Variants in NGLY1 observed in about 807,000 individuals in gnomAD.
The protein encoded by NGLY1 is peptide-N(4)-(N-acetyl-beta-glucosaminyl)asparagine amidase.
In NGLY1, 68 loss-of-function variants were observed where a neutral mutation model predicts 84.6. That is an observed-to-expected ratio of 0.80 (90% CI 0.66 to 0.98). The LOEUF is 0.98. NGLY1 is among the 50% of genes least tolerant of loss of function. NGLY1 has a pLI of 0.00. For synonymous variants in NGLY1, 280 were observed against 275.2 expected (o/e 1.02, Z -0.17); for missense variants, 779 against 770.2 (o/e 1.01, Z -0.14).
intron 10 of NGLY1, among the ~76,000 whole-genome samples, chr3:25,721,844 T>C (rs1285178284): frequency 3.3e-5 from 5 of 151,668 alleles, no homozygotes; most frequent in African/African-American, 9.7e-5. Flanking sequence ...TTTTTTATAC[T>C]ATACTCCTTT....
Position 25,751,189 on chromosome 3 carries a change from A to T in NGLY1, c.567T>A (p.Ala189=). 1.2e-6 allele frequency: 2 copies of T among 1,613,694 alleles called. No homozygotes were observed. The highest frequency in any genetic ancestry group is 2.2e-5 in the South Asian group (2 of 91,030). Residue 189 remains alanine (A), a synonymous_variant, in exon 4 of 12, where the codon GCT becomes GCA. Coordinates refer to ENST00000280700, the MANE Select transcript of NGLY1 (RefSeq NM_018297.4). ...IQHVLVYENP[A]LQEKALACIP... ...TACAAGCCAACGCTTTCTCCTGAAG[A>T]GCAGGATTTTCATAGACCAGCACAT...
chr3:25,748,353 G>C (rs1301477677), intron 4 of NGLY1, among the ~76,000 whole-genome samples: 1 of 152,132 alleles, frequency 6.6e-6, no homozygotes, highest in Non-Finnish European at 1.5e-5. Flanking sequence ...GGAGTTCTTA[G>C]GGAAGCCTAA....
intron 4 of NGLY1, among the ~76,000 whole-genome samples, chr3:25,748,693 A>T (rs1706567268): frequency 6.6e-6 from 1 of 152,168 alleles, no homozygotes; most frequent in South Asian, 2.1e-4. Flanking sequence ...ACCTACTCTT[A>T]ATCAATAAAT....
intron 2 of NGLY1, among the ~76,000 whole-genome samples, chr3:25,769,175 A>G (rs553099010): frequency 6.6e-6 from 1 of 152,040 alleles, no homozygotes; most frequent in Non-Finnish European, 1.5e-5. Context: ...TCTGGCCAAC[A>G]TGGTGAAACC....
intron 4 of NGLY1, among the ~76,000 whole-genome samples, chr3:25,746,127 C>T (rs533122844): frequency 1.3e-5 from 2 of 152,314 alleles, no homozygotes; most frequent in East Asian, 3.9e-4. Flanking sequence ...TGATCTTCCA[C>T]TGCTTTATAT....
upstream of NGLY1, among the ~76,000 whole-genome samples, chr3:25,786,725 A>G (rs1455547756): frequency 6.6e-5 from 10 of 152,242 alleles, no homozygotes; most frequent in South Asian, 2.1e-3. Flanking sequence ...AAGGACTTAA[A>G]TTTCAGATGA....
chr3:25,777,358 G>A (rs892307108), intron 2 of NGLY1, among the ~76,000 whole-genome samples: 7 of 126,246 alleles, frequency 5.5e-5, no homozygotes, highest in East Asian at 2.6e-4. Context: ...TTGCATCACC[G>A]CACTCCAGCC....
Position 25,758,532 on chromosome 3 carries a change from C to G in NGLY1, c.492+5534G>C, listed in dbSNP as rs553649295. On this transcript the variant is annotated intron_variant, in intron 3 of 11. Coordinates refer to ENST00000280700, the MANE Select transcript of NGLY1 (RefSeq NM_018297.4). The stretch of plus-strand genomic sequence containing the variant: ...GGTCAGAGCTGCAGTGAGCTGTGAT[C>G]ATGCCACTGCGTTCCAGCCTGAGCG... Among the ~76,000 whole-genome samples the G allele has an allele frequency of 2.2e-4, 34 of 152,244 alleles. No individual in the cohort carries two copies. The East Asian group carries it at 6.4e-3, about 29-fold the overall frequency.
At chr3:25,768,556 T>A (rs1361928917) in intron 2 of NGLY1, among the ~76,000 whole-genome samples, 3 of 140,048 alleles carry the variant, frequency 2.1e-5, no homozygotes, top group African/African-American at 7.8e-5. Flanking sequence ...ATTTCATAAG[T>A]AAGACTTTTT....
At chr3:25,747,000 T>C (rs1265902388) in intron 4 of NGLY1, among the ~76,000 whole-genome samples, 1 of 152,194 alleles carries the variant, frequency 6.6e-6, no homozygotes, top group Admixed American at 6.5e-5. Flanking sequence ...TTAGCCCGGC[T>C]AATTTTTGCA....
chr3:25,737,285 T>A, intron 6 of NGLY1, 49 bp downstream of exon 6: 1 of 1,493,626 alleles, frequency 6.7e-7, no homozygotes, highest in Non-Finnish European at 9.0e-7. Context: ...AACCCAAACC[T>A]GCAAGCCTGC....
chr3:25,755,693 A>C, intron 3 of NGLY1: 1 of 1,376,800 alleles, frequency 7.3e-7, no homozygotes, highest in South Asian at 1.3e-5. Context: ...ATTATAGTCT[A>C]GTCTAGATGC....
intron 10 of NGLY1, among the ~76,000 whole-genome samples, chr3:25,720,761 C>T (rs1205969113): frequency 6.6e-6 from 1 of 152,170 alleles, no homozygotes. Context: ...CTATTTAAGG[C>T]ATCTAAGCCT....
chr3:25,766,009 T>C (rs759014329), intron 2 of NGLY1, among the ~76,000 whole-genome samples: 9 of 151,652 alleles, frequency 5.9e-5, no homozygotes, highest in Non-Finnish European at 1.2e-4. Context: ...ATGCTGGGCG[T>C]TTTAAATACA....
At chr3:25,784,159 G>T (rs1328267405), upstream of NGLY1, 2 of 152,176 alleles carry the variant, frequency 1.3e-5, no homozygotes, top group Non-Finnish European at 2.9e-5. Context: ...ACTCTGCTGG[G>T]TTTGTTATAT....
At position 25,720,961 on chromosome 3, in the gene NGLY1, G is replaced by A. The variant is rs556571149; in HGVS notation, c.1612-770C>T. ...AATTCCCACAAAATTCTATGTATTT[G>A]TTTGAAATCTTGGAAAGAAACCCCT... is the stretch of plus-strand genomic sequence containing the variant. On this transcript the variant is annotated intron_variant, in intron 10 of 11. Coordinates refer to ENST00000280700, the MANE Select transcript of NGLY1 (RefSeq NM_018297.4). Among the ~76,000 whole-genome samples the A allele has an allele frequency of 4.2e-3, 286 of 67,380 alleles. 1 individual carries two copies. The highest frequency in any genetic ancestry group is 0.01 in the Non-Finnish European group (202 of 20,096). The allele number at this position is 67,380 out of a possible 152,430, so 44.2% of individuals were successfully genotyped here.
At chr3:25,787,613 G>A (rs564846745), upstream of NGLY1, among the ~76,000 whole-genome samples, 1 of 152,310 alleles carries the variant, frequency 6.6e-6, no homozygotes, top group Non-Finnish European at 1.5e-5. Context: ...AGACTCCAGT[G>A]AAGGGAATGA....
intron 7 of NGLY1, 52 bp downstream of exon 7, chr3:25,735,952 G>C: frequency 1.4e-6 from 2 of 1,446,600 alleles, no homozygotes; most frequent in East Asian, 2.4e-5. Flanking sequence ...TGTCATAAAA[G>C]AAAAAAATAT....
chr3:25,736,223 A>T, intron 6 of NGLY1, 74 bp from the exon 7 acceptor site: 1 of 1,573,074 alleles, frequency 6.4e-7, no homozygotes, highest in Non-Finnish European at 8.6e-7. Flanking sequence ...AACTATACAC[A>T]AACTCCTAAG....
Sources: gnomAD v4.1 joint callset for allele counts (sites outside exome capture counted in the v4.1 genomes callset) on GRCh38, gnomAD v4.1.1 for gene constraint, MANE v1.5 for transcripts, NCBI Gene and HGNC (gene_info 2026-07-23, HGNC 2026-07-21) for gene names.